MBD5: variants seen among roughly 807,000 people sequenced by gnomAD.
MBD5 encodes the protein methyl-CpG-binding domain protein 5.
A neutral mutation model predicts 117.3 loss-of-function variants in MBD5; 13 were observed. The ratio of observed to expected loss-of-function variants is 0.11; its 90% CI spans 0.07 to 0.18. The LOEUF (loss-of-function observed/expected upper bound fraction) is 0.18. Among genes scored for constraint, MBD5 ranks in the 10% least tolerant of loss-of-function variants. MBD5 has a pLI of 1.00. For synonymous variants in MBD5, 727 were observed against 766.4 expected, an observed-to-expected ratio of 0.95 and a Z score of 0.85; for missense variants, 1,879 against 2,093.8, an observed-to-expected ratio of 0.90 and a Z score of 2.00.
At chr2:148,438,934 C>A (rs759818013) in intron 4 of MBD5, among the ~76,000 whole-genome samples, 23 of 152,194 alleles carry the variant, frequency 1.5e-4, no homozygotes, top group Non-Finnish European at 3.2e-4. Context: ...AACACCATCA[C>A]AGATACACTA....
At chr2:148,234,122 T>A (rs1355649374) in intron 3 of MBD5, among the ~76,000 whole-genome samples, 1 of 152,064 alleles carries the variant, frequency 6.6e-6, no homozygotes, top group Non-Finnish European at 1.5e-5. Flanking sequence ...AATCTGGCTT[T>A]TTTTCTACAT....
At chr2:148,249,016 T>C (rs1021327185) in intron 3 of MBD5, among the ~76,000 whole-genome samples, 2 of 152,114 alleles carry the variant, frequency 1.3e-5, no homozygotes, top group Admixed American at 6.6e-5. Flanking sequence ...CTAAGTGGAA[T>C]AGAGACTTAA....
intron 1 of MBD5, among the ~76,000 whole-genome samples, chr2:148,059,116 G>C (rs1185770865): frequency 6.6e-6 from 1 of 152,138 alleles, no homozygotes; most frequent in Admixed American, 6.5e-5. Flanking sequence ...GAAGAACACT[G>C]ACAAGAACTT....
In MBD5 at chr2:148,482,716, A is replaced by T. The variant is rs143335744; in HGVS notation, c.2519-394A>T. ...AACTTTTTTAATGAAAAAAATTTTT[A>T]AAATAAAACTACTGCTTTTATCTAC... On this transcript the variant is annotated intron_variant, in intron 8 of 13. Transcript: ENST00000642680. Among the ~76,000 whole-genome samples the T allele has an allele frequency of 3.7e-3, 563 of 152,298 alleles. 2 individuals carry two copies. The highest frequency in any genetic ancestry group is 0.012 in the African/African-American group (497 of 41,582).
intron 4 of MBD5, among the ~76,000 whole-genome samples, chr2:148,374,597 T>C (rs1703945878): frequency 6.6e-6 from 1 of 152,150 alleles, no homozygotes; most frequent in African/African-American, 2.4e-5. Flanking sequence ...GACCTTCCGT[T>C]TGAAGTTTTT....
At chr2:148,390,224 G>A (rs1223665064) in intron 4 of MBD5, among the ~76,000 whole-genome samples, 1 of 151,884 alleles carries the variant, frequency 6.6e-6, no homozygotes, top group Non-Finnish European at 1.5e-5. Flanking sequence ...AATATCAGTT[G>A]GATGTAGGTG....
chr2:148,128,080 TG>T (rs1444051195), intron 1 of MBD5, among the ~76,000 whole-genome samples: 1 of 152,210 alleles, frequency 6.6e-6, no homozygotes, highest in Non-Finnish European at 1.5e-5. Context: ...TTAATGGGGT[TG>T]TTTTTTTCTT....
intron 4 of MBD5, among the ~76,000 whole-genome samples, chr2:148,407,370 T>G (rs182503173): frequency 3.0e-4 from 41 of 138,700 alleles, no homozygotes; most frequent in Admixed American, 9.3e-4. Flanking sequence ...GTGTGTGTGT[T>G]TGTGTGTGTG....
chr2:148,442,658 GA>G (rs754558869), intron 4 of MBD5, among the ~76,000 whole-genome samples: 2 of 151,226 alleles, frequency 1.3e-5, no homozygotes, highest in Non-Finnish European at 2.9e-5. Context: ...TGCCTTATAT[GA>G]TTGTGATAAG....
intron 10 of MBD5, 123 bp from the exon 11 acceptor site, chr2:148,489,263 T>C (rs916433418): frequency 1.6e-6 from 2 of 1,224,388 alleles, no homozygotes; most frequent in Admixed American, 4.1e-5. Flanking sequence ...AGTCTTGTTC[T>C]TTATATTTCC....
intron 3 of MBD5, among the ~76,000 whole-genome samples, chr2:148,318,694 T>C (rs1242774321): frequency 6.6e-6 from 1 of 152,152 alleles, no homozygotes; most frequent in Admixed American, 6.6e-5. Context: ...GTACCCCTTG[T>C]TGAATAGGAT....
chr2:148,367,269 G>A (rs951773011), intron 4 of MBD5, among the ~76,000 whole-genome samples: 1 of 152,150 alleles, frequency 6.6e-6, no homozygotes, highest in Admixed American at 6.5e-5. Context: ...AAACCAGCTA[G>A]CCATATGCAG....
At position 148,127,408 on chromosome 2, in the gene MBD5, C is replaced by G. The variant is rs1403561727; in HGVS notation, c.-924-51292C>G. ...TCTCTCCCCGCAGCTCATGACAGGC[C>G]CCAGTATGTATTCTTCCCACTATGT... On this transcript the variant is annotated intron_variant, in intron 1 of 13. Transcript: ENST00000642680. 2.0e-5 allele frequency among the ~76,000 whole-genome samples: 3 copies of G among 152,092 alleles called. No homozygotes were observed. The East Asian group carries it at 5.8e-4, about 29-fold the overall frequency.
intron 1 of MBD5, among the ~76,000 whole-genome samples, chr2:148,115,118 T>C (rs759085629): frequency 7.9e-5 from 12 of 152,182 alleles, no homozygotes; most frequent in Non-Finnish European, 1.3e-4. Context: ...TATCTATCAA[T>C]ATACTGGTAA....
intron 4 of MBD5, among the ~76,000 whole-genome samples, chr2:148,399,134 G>A (rs1218564687): frequency 6.6e-6 from 1 of 152,074 alleles, no homozygotes; most frequent in South Asian, 2.1e-4. Context: ...TTGGCAATGT[G>A]GACTCTTTTG....
intron 2 of MBD5, among the ~76,000 whole-genome samples, chr2:148,201,371 G>A (rs535762598): frequency 6.6e-6 from 1 of 152,306 alleles, no homozygotes; most frequent in South Asian, 2.1e-4. Context: ...CACCCAAGCA[G>A]GGGTACCCAC....
chr2:148,493,224 T>C (rs896093959), intron 11 of MBD5, among the ~76,000 whole-genome samples: 1 of 152,228 alleles, frequency 6.6e-6, no homozygotes. Context: ...AGAAAAAAAT[T>C]GCCAAACAAT....
At chr2:148,194,965 T>C (rs923023443) in intron 2 of MBD5, among the ~76,000 whole-genome samples, 11 of 152,154 alleles carry the variant, frequency 7.2e-5, no homozygotes, top group Non-Finnish European at 1.3e-4. Context: ...GGCAAACTTT[T>C]TATTAAAAGG....
At chr2:148,229,571 G>T (rs894788560) in intron 2 of MBD5, among the ~76,000 whole-genome samples, 6 of 152,060 alleles carry the variant, frequency 3.9e-5, no homozygotes, top group African/African-American at 1.4e-4. Context: ...TTTGATGTCT[G>T]GGCATTTAAG....
Sources: gnomAD v4.1 joint callset for allele counts (sites outside exome capture counted in the v4.1 genomes callset) on GRCh38, gnomAD v4.1.1 for gene constraint, MANE v1.5 for transcripts, NCBI Gene and HGNC (gene_info 2026-07-23, HGNC 2026-07-21) for gene names.